Variants in UNC13C observed in about 807,000 individuals in gnomAD.
UNC13C encodes the protein protein unc-13 homolog C.
UNC13C carries 174 observed loss-of-function variants against 245.4 expected under a neutral mutation model. The ratio of observed to expected loss-of-function variants is 0.71; its 90% CI spans 0.63 to 0.80. UNC13C has a LOEUF of 0.80. Ranked by LOEUF, UNC13C falls within the 30% of genes least tolerant of loss-of-function variation. The pLI is 0.00. For missense variants in UNC13C, 2,829 were observed against 2,602.9 expected (o/e 1.09, Z -1.89); for synonymous variants, 992 against 895.1 (o/e 1.11, Z -1.93).
At chr15:54,365,615 T>C (rs2039346578) in intron 17 of UNC13C, among the ~76,000 whole-genome samples, 2 of 152,092 alleles carry the variant, frequency 1.3e-5, no homozygotes, top group South Asian at 4.1e-4. Context: ...TATAAGACCA[T>C]GTTGATTTAT....
At chr15:54,426,205 G>T (rs1359566776) in intron 19 of UNC13C, among the ~76,000 whole-genome samples, 1 of 151,104 alleles carries the variant, frequency 6.6e-6, no homozygotes, top group African/African-American at 2.4e-5. Context: ...TCAGTAATCT[G>T]GGCATGATTT....
intron 17 of UNC13C, among the ~76,000 whole-genome samples, chr15:54,344,275 G>A (rs958759): frequency 0.72 from 109,107 of 151,670 alleles, 40,023 homozygotes; most frequent in East Asian, 0.91. Context: ...CAACAACAAT[G>A]ATAAACGAAC....
At chr15:54,508,961 C>T (rs929426046) in intron 23 of UNC13C, among the ~76,000 whole-genome samples, 3 of 151,998 alleles carry the variant, frequency 2.0e-5, no homozygotes, top group African/African-American at 7.2e-5. Context: ...GCACTTTGGG[C>T]GGCTGAGGTG....
intron 29 of UNC13C, 36 bp from the exon 30 acceptor site, chr15:54,567,764 C>G: frequency 6.5e-7 from 1 of 1,543,392 alleles, no homozygotes; most frequent in Non-Finnish European, 8.7e-7. Context: ...CAATACTTCT[C>G]TCTAAATGCC....
chr15:54,399,393 A>T (rs1336399285), intron 18 of UNC13C, among the ~76,000 whole-genome samples: 6 of 151,790 alleles, frequency 4.0e-5, no homozygotes, highest in Non-Finnish European at 5.9e-5. Context: ...AATCTTAATT[A>T]TTTCTAAATA....
At chr15:54,446,462 T>C (rs568079098) in intron 19 of UNC13C, among the ~76,000 whole-genome samples, 1 of 152,240 alleles carries the variant, frequency 6.6e-6, no homozygotes, top group Non-Finnish European at 1.5e-5. Context: ...TGTCCTCTTT[T>C]ATTTCGTTGA....
At chr15:54,417,738 T>G (rs1344656222) in intron 19 of UNC13C, among the ~76,000 whole-genome samples, 1 of 152,186 alleles carries the variant, frequency 6.6e-6, no homozygotes, top group Non-Finnish European at 1.5e-5. Context: ...GTGTCAGTCC[T>G]TAACACAAGC....
intron 17 of UNC13C, among the ~76,000 whole-genome samples, chr15:54,391,075 C>T (rs1240283895): frequency 6.6e-6 from 1 of 152,098 alleles, no homozygotes; most frequent in East Asian, 1.9e-4. Context: ...GGAATGAATG[C>T]ATATTTCAAC....
intron 2 of UNC13C, among the ~76,000 whole-genome samples, chr15:54,019,688 C>T (rs12592703): frequency 0.21 from 32,199 of 152,080 alleles, 3,553 homozygotes; most frequent in Admixed American, 0.32. Context: ...TGTATATATT[C>T]TGTTTTCTGA....
chr15:53,998,322 T>C (rs767757847), intron 1 of UNC13C, among the ~76,000 whole-genome samples: 2 of 152,200 alleles, frequency 1.3e-5, no homozygotes, highest in Admixed American at 6.5e-5. Flanking sequence ...TTAATTTCTT[T>C]CAGCAATATT....
intron 30 of UNC13C, among the ~76,000 whole-genome samples, chr15:54,594,032 A>T (rs1898938068): frequency 6.6e-6 from 1 of 151,384 alleles, no homozygotes. Context: ...TTGATGTAGT[A>T]CTCTCCCCAT....
chr15:54,012,919 T>C lies in UNC13C; in HGVS notation c.16T>C (p.Phe6Leu). Residue 6 changes from phenylalanine (F) to leucine (L), a missense_variant, in exon 2 of 33, where the codon TTC becomes CTC. Transcript: ENST00000260323. The stretch of plus-strand genomic sequence containing the variant: ...ATTGCTCTCCATGGTGGCTAATTTT[T>C]TCAAGAGCTTGATTTTACCTTACAT... Reference protein sequence around the residue: MVANFFKSLILPYIHK... With the variant: MVANFLKSLILPYIHK... 1 of 1,598,362 alleles carries C rather than the reference T, an allele frequency of 6.3e-7. No individual in the cohort carries two copies. Among genetic ancestry groups the C allele is most frequent in the Non-Finnish European group, 8.5e-7 (1 of 1,173,386 alleles).
chr15:54,140,894 A>G (rs1257007765), intron 2 of UNC13C, among the ~76,000 whole-genome samples: 1 of 152,198 alleles, frequency 6.6e-6, no homozygotes, highest in Non-Finnish European at 1.5e-5. Context: ...CAGGGAGACA[A>G]GAAAACAGTC....
intron 18 of UNC13C, among the ~76,000 whole-genome samples, chr15:54,407,839 A>G (rs1448417170): frequency 6.6e-6 from 1 of 152,118 alleles, no homozygotes; most frequent in Non-Finnish European, 1.5e-5. Context: ...ATAGCCTAAT[A>G]CCAACAAAAA....
At position 54,111,649 on chromosome 15, in the gene UNC13C, T is replaced by C. The variant is rs553029789; in HGVS notation, c.2984-31369T>C. 3.3e-4 allele frequency among the ~76,000 whole-genome samples: 50 copies of C among 152,356 alleles called. 1 individual carries two copies. Among genetic ancestry groups the C allele is most frequent in the Non-Finnish European group, 5.7e-4 (39 of 68,036 alleles). Reference sequence around the variant, plus strand: ...AATAAGTAATTACTGAATGTTTCCATGTTATTTGCTCTATACTCTGGTATA... The same window carrying C: ...AATAAGTAATTACTGAATGTTTCCACGTTATTTGCTCTATACTCTGGTATA... On this transcript the variant is annotated intron_variant, in intron 2 of 32. Coordinates refer to ENST00000260323, the MANE Select transcript of UNC13C (RefSeq NM_001080534.3).
intron 1 of UNC13C, among the ~76,000 whole-genome samples, chr15:53,982,976 G>A (rs761703074): frequency 6.6e-6 from 1 of 152,114 alleles, no homozygotes; most frequent in Non-Finnish European, 1.5e-5. Context: ...ATAAACTGAA[G>A]AAACAGTGTT....
At chr15:54,061,554 C>G (rs1399811866) in intron 2 of UNC13C, among the ~76,000 whole-genome samples, 3 of 152,080 alleles carry the variant, frequency 2.0e-5, no homozygotes, top group East Asian at 1.9e-4. Flanking sequence ...ATGTCCAAAT[C>G]CAAACCTTGG....
chr15:53,901,240 G>C, the UNC13C span, among the ~76,000 whole-genome samples: 3 of 114,352 alleles, frequency 2.6e-5, no homozygotes, highest in Non-Finnish European at 5.1e-5. Flanking sequence ...TTTTTTTTGA[G>C]ATGCAGTCTC....
intron 4 of UNC13C, among the ~76,000 whole-genome samples, chr15:54,153,109 T>C (rs911306929): frequency 1.3e-5 from 2 of 152,110 alleles, no homozygotes; most frequent in African/African-American, 4.8e-5. Context: ...CAAGTTTGCT[T>C]AATCCATATA....
Sources: allele counts gnomAD v4.1 joint callset (sites outside exome capture counted in the v4.1 genomes callset), GRCh38; gene constraint gnomAD v4.1.1; transcripts MANE v1.5; gene names NCBI Gene and HGNC (gene_info 2026-07-23, HGNC 2026-07-21).